The following SLC10A7 variants were observed in gnomAD, a reference collection of about 807,000 sequenced individuals.
SLC10A7 encodes solute carrier family 10 member 7, also known as sodium/bile acid cotransporter 7.
In SLC10A7, 29 loss-of-function variants were observed where a neutral mutation model predicts 43.2. The observed-to-expected ratio is 0.67, with a 90% CI of 0.50 to 0.92. The LOEUF (loss-of-function observed/expected upper bound fraction) is 0.92, where lower values mean the gene tolerates loss of function less well. SLC10A7 is among the 40% of genes least tolerant of loss of function. The pLI, the probability that SLC10A7 is intolerant of heterozygous loss-of-function variation, is 0.00. For missense variants in SLC10A7, 295 were observed against 403.2 expected (o/e 0.73, Z 2.30); for synonymous variants, 152 against 144.8 (o/e 1.05, Z -0.35).
At chr4:146,323,303 C>G (rs1265877771) in intron 6 of SLC10A7, among the ~76,000 whole-genome samples, 1 of 152,148 alleles carries the variant, frequency 6.6e-6, no homozygotes, top group Non-Finnish European at 1.5e-5. Context: ...TTGCCCATGC[C>G]TATGTTCTGA....
chr4:146,424,100 G>A (rs1177571738), intron 5 of SLC10A7, among the ~76,000 whole-genome samples: 1 of 152,214 alleles, frequency 6.6e-6, no homozygotes, highest in Non-Finnish European at 1.5e-5. Context: ...TGTCCAGGCT[G>A]GAGTGTAGTG....
chr4:146,326,007 T>G lies in SLC10A7; in HGVS notation c.436-11A>C, dbSNP rs956623067. 6.2e-7 allele frequency: 1 copy of G among 1,609,968 alleles called. No individual in the cohort carries two copies. Among genetic ancestry groups the G allele is most frequent in the Non-Finnish European group, 8.5e-7 (1 of 1,178,230 alleles). Reference sequence around the variant, plus strand: ...TGTTATAACGATGCCCTGAAAGAAATAAAAGAGAGGATGATCATTTATCAG... The same window carrying G: ...TGTTATAACGATGCCCTGAAAGAAAGAAAAGAGAGGATGATCATTTATCAG... On this transcript the variant is annotated splice_polypyrimidine_tract_variant and intron_variant, in intron 5 of 11. Coordinates refer to ENST00000335472, the MANE Select transcript of SLC10A7 (RefSeq NM_001029998.6).
chr4:146,339,735 T>C (rs946870148), intron 5 of SLC10A7, among the ~76,000 whole-genome samples: 1 of 151,876 alleles, frequency 6.6e-6, no homozygotes, highest in South Asian at 2.1e-4. Flanking sequence ...ATCTACCAGA[T>C]AAGGCATTTA....
chr4:146,319,070 C>T (rs1403115923), intron 6 of SLC10A7, among the ~76,000 whole-genome samples: 1 of 152,070 alleles, frequency 6.6e-6, no homozygotes, highest in Non-Finnish European at 1.5e-5. Context: ...TAAAAAAGTA[C>T]AGCAGAACAT....
At chr4:146,326,955 C>G (rs1560801417) in intron 5 of SLC10A7, among the ~76,000 whole-genome samples, 1 of 96,448 alleles carries the variant, frequency 1.0e-5, no homozygotes, top group Non-Finnish European at 1.9e-5. Context: ...CACACACACA[C>G]ACACACACAC....
intron 5 of SLC10A7, among the ~76,000 whole-genome samples, chr4:146,370,211 T>C (rs1736674270): frequency 6.6e-6 from 1 of 152,192 alleles, no homozygotes. Context: ...AGGCTTGTTG[T>C]TCCAAGAATC....
chr4:146,385,554 C>T (rs1389826407), intron 5 of SLC10A7, among the ~76,000 whole-genome samples: 3 of 152,056 alleles, frequency 2.0e-5, no homozygotes, highest in South Asian at 2.1e-4. Context: ...GTTTCTCATA[C>T]ATTTTGATTT....
chr4:146,346,248 A>T (rs1383566788), intron 5 of SLC10A7, among the ~76,000 whole-genome samples: 1 of 152,188 alleles, frequency 6.6e-6, no homozygotes, highest in Non-Finnish European at 1.5e-5. Context: ...ATTAACTAGT[A>T]TTAAGAAAAC....
intron 5 of SLC10A7, among the ~76,000 whole-genome samples, chr4:146,387,776 A>G (rs1314947345): frequency 6.6e-6 from 1 of 152,234 alleles, no homozygotes; most frequent in African/African-American, 2.4e-5. Flanking sequence ...ACATTTCTAT[A>G]TATCAATGGC....
chr4:146,479,199 C>T (rs1560948521), intron 4 of SLC10A7, among the ~76,000 whole-genome samples: 1 of 152,024 alleles, frequency 6.6e-6, no homozygotes, highest in African/African-American at 2.4e-5. Context: ...ACCAGATTGC[C>T]AAAATACCCA....
chr4:146,380,559 CA>C (rs1485371920), intron 5 of SLC10A7, among the ~76,000 whole-genome samples: 2 of 152,018 alleles, frequency 1.3e-5, no homozygotes, highest in Non-Finnish European at 2.9e-5. Context: ...ATTTTCAATT[CA>C]AAAACTACTT....
At chr4:146,374,966 G>A (rs1178707615) in intron 5 of SLC10A7, among the ~76,000 whole-genome samples, 2 of 152,144 alleles carry the variant, frequency 1.3e-5, no homozygotes, top group Non-Finnish European at 2.9e-5. Context: ...AGCACTTTGG[G>A]AGGCTGAGGC....
intron 10 of SLC10A7, among the ~76,000 whole-genome samples, chr4:146,276,041 A>T (rs1729185204): frequency 6.6e-6 from 1 of 152,128 alleles, no homozygotes; most frequent in Non-Finnish European, 1.5e-5. Context: ...CACATCCCTG[A>T]TGGTTTCATA....
chr4:146,412,377 C>T (rs1728258257), intron 5 of SLC10A7, among the ~76,000 whole-genome samples: 1 of 152,080 alleles, frequency 6.6e-6, no homozygotes, highest in Non-Finnish European at 1.5e-5. Flanking sequence ...GCAATGAGTG[C>T]CTCTTTTGGG....
rs531817081 is a variant in SLC10A7, at chr4:146,425,867, T to A, written c.435+16916A>T. Among the ~76,000 whole-genome samples the A allele has an allele frequency of 8.5e-5, 13 of 152,326 alleles. No homozygotes were observed. In the East Asian group the frequency reaches 2.3e-3, roughly 27 times the overall value. The stretch of plus-strand genomic sequence containing the variant: ...GGGAGCCAGACACATCCATTTCCAA[T>A]AGCCTGATAGAATCACACTTGAGAA... On this transcript the variant is annotated intron_variant, in intron 5 of 11. Coordinates refer to ENST00000335472, the MANE Select transcript of SLC10A7 (RefSeq NM_001029998.6).
At chr4:146,427,060 G>A (rs1422099412) in intron 5 of SLC10A7, among the ~76,000 whole-genome samples, 2 of 152,142 alleles carry the variant, frequency 1.3e-5, no homozygotes, top group Non-Finnish European at 2.9e-5. Context: ...TACTGATTAT[G>A]GCACTAAGTT....
intron 4 of SLC10A7, among the ~76,000 whole-genome samples, chr4:146,444,031 A>T (rs368054837): frequency 3.3e-5 from 5 of 152,340 alleles, no homozygotes; most frequent in Admixed American, 2.0e-4. Context: ...GGAGCAGTGA[A>T]AAAAAGAAAA....
chr4:146,277,174 AGAGGAG>A (rs1194989453), intron 10 of SLC10A7, among the ~76,000 whole-genome samples: 1 of 152,188 alleles, frequency 6.6e-6, no homozygotes, highest in East Asian at 1.9e-4. Flanking sequence ...TGGAGGAAGA[AGAGGAG>A]GAATAGAGCA....
rs74551163 is a variant in SLC10A7 at position 146,464,065 on chromosome 4, T to C, written c.397-21244A>G. Reference sequence around the variant, plus strand: ...GTCTTGAATTCCTGGGCTCAAGCAGTCCTTCCGCCTTGGCCTCCCAGAATG... The same window carrying C: ...GTCTTGAATTCCTGGGCTCAAGCAGCCCTTCCGCCTTGGCCTCCCAGAATG... On this transcript the variant is annotated intron_variant, in intron 4 of 11. Transcript: ENST00000335472. Among the ~76,000 whole-genome samples, 148 of 151,992 alleles carry C rather than the reference T, an allele frequency of 9.7e-4. 1 individual carries two copies. In the East Asian group the frequency reaches 0.015, roughly 15 times the overall value.
Sources: allele counts gnomAD v4.1 joint callset (sites outside exome capture counted in the v4.1 genomes callset), GRCh38; gene constraint gnomAD v4.1.1; transcripts MANE v1.5; gene names NCBI Gene and HGNC (gene_info 2026-07-23, HGNC 2026-07-21).